GLIPR2: variants seen among roughly 807,000 people sequenced by gnomAD.
The protein encoded by GLIPR2 is GLI pathogenesis related 2, also known as Golgi-associated plant pathogenesis-related protein 1.
GLIPR2 carries 21 observed loss-of-function variants against 20.4 expected under a neutral mutation model. The observed-to-expected ratio is 1.03, with a 90% CI of 0.73 to 1.48. The LOEUF (loss-of-function observed/expected upper bound fraction) is 1.48. Ranked by LOEUF, GLIPR2 falls within the 40% of genes most tolerant of loss-of-function variation. The pLI is 0.00. For missense variants in GLIPR2, 205 were observed against 200.1 expected (o/e 1.02, Z -0.15); for synonymous variants, 91 against 80.5 (o/e 1.13, Z -0.70).
chr9:36,137,801 T>C (rs10814335), intron 1 of GLIPR2, among the ~76,000 whole-genome samples: 51,496 of 152,214 alleles, frequency 0.34, 8,738 homozygotes, highest in African/African-American at 0.38. Flanking sequence ...GATTGTCCAC[T>C]TCAGATGAGT....
chr9:36,144,003 T>C (rs1825208885), intron 1 of GLIPR2, among the ~76,000 whole-genome samples: 1 of 152,072 alleles, frequency 6.6e-6, no homozygotes, highest in Non-Finnish European at 1.5e-5. Context: ...TACCAATTCC[T>C]CATCAGACCC....
At chr9:36,147,571 GC>G (rs879455260) in intron 1 of GLIPR2, among the ~76,000 whole-genome samples, 3 of 152,220 alleles carry the variant, frequency 2.0e-5, no homozygotes, top group Non-Finnish European at 4.4e-5. Flanking sequence ...TGATCCACGG[GC>G]TTTAGATGTG....
At chr9:36,149,033 A>AG (rs1825467930) in intron 3 of GLIPR2, among the ~76,000 whole-genome samples, 1 of 152,116 alleles carries the variant, frequency 6.6e-6, no homozygotes, top group Non-Finnish European at 1.5e-5. Flanking sequence ...TTCCCGAGAA[A>AG]TTTTACTTTC....
intron 4 of GLIPR2, among the ~76,000 whole-genome samples, chr9:36,161,857 G>C (rs1826067625): frequency 6.6e-6 from 1 of 152,148 alleles, no homozygotes; most frequent in Non-Finnish European, 1.5e-5. Flanking sequence ...AGGTGGGTAA[G>C]GTCTGTGTGG....
rs545736472 is a variant in GLIPR2 at position 36,150,048 on chromosome 9, A to C, written c.227-824A>C. Reference sequence around the variant, plus strand: ...CGTCTCAGAAAACAAAACAAACCAAACAAACAAACAAAAAATGCCTGAGTC... The same window carrying C: ...CGTCTCAGAAAACAAAACAAACCAACCAAACAAACAAAAAATGCCTGAGTC... On this transcript the variant is annotated intron_variant, in intron 3 of 4. Coordinates refer to ENST00000377960, the MANE Select transcript of GLIPR2 (RefSeq NM_022343.4). 6.9e-4 allele frequency among the ~76,000 whole-genome samples: 105 copies of C among 152,258 alleles called. 1 individual carries two copies. The highest frequency in any genetic ancestry group is 1.1e-3 in the Non-Finnish European group (77 of 68,018).
intron 1 of GLIPR2, among the ~76,000 whole-genome samples, chr9:36,143,996 C>A (rs1825208731): frequency 6.6e-6 from 1 of 152,152 alleles, no homozygotes; most frequent in Admixed American, 6.5e-5. Flanking sequence ...ATCCTTGTAC[C>A]AATTCCTCAT....
intron 4 of GLIPR2, among the ~76,000 whole-genome samples, chr9:36,160,330 T>C (rs1001990672): frequency 2.0e-5 from 3 of 152,248 alleles, no homozygotes; most frequent in African/African-American, 4.8e-5. Flanking sequence ...GCCTTACAAA[T>C]ACTTTTTGAA....
At chr9:36,158,484 C>T (rs1825930730) in intron 4 of GLIPR2, among the ~76,000 whole-genome samples, 1 of 152,202 alleles carries the variant, frequency 6.6e-6, no homozygotes, top group Non-Finnish European at 1.5e-5. Context: ...TTCCTCCTCC[C>T]TCCCTCCGTT....
At chr9:36,150,983 T>C (rs1587143543) in intron 4 of GLIPR2, 34 bp downstream of exon 4, 1 of 1,456,162 alleles carries the variant, frequency 6.9e-7, no homozygotes, top group Non-Finnish European at 9.7e-7. Flanking sequence ...GGCCTGGCCC[T>C]GGGCAGCAAT....
At chr9:36,143,334 T>C (rs565544271) in intron 1 of GLIPR2, among the ~76,000 whole-genome samples, 170 of 152,284 alleles carry the variant, frequency 1.1e-3, no homozygotes, top group African/African-American at 3.7e-3. Flanking sequence ...CCTCCATTCA[T>C]GCTTCCTGAG....
chr9:36,154,063 T>C (rs1825715758), intron 4 of GLIPR2, among the ~76,000 whole-genome samples: 1 of 127,014 alleles, frequency 7.9e-6, no homozygotes, highest in Non-Finnish European at 1.7e-5. Context: ...TATTATATAT[T>C]ATATATTATA....
intron 2 of GLIPR2, 33 bp from the exon 3 acceptor site, chr9:36,148,514 A>G: frequency 6.6e-7 from 1 of 1,526,216 alleles, no homozygotes; most frequent in South Asian, 1.1e-5. Flanking sequence ...CCTGAACTGC[A>G]CCTGCTCTGA....
At chr9:36,149,659 AG>A (rs1318128824) in intron 3 of GLIPR2, among the ~76,000 whole-genome samples, 1 of 152,034 alleles carries the variant, frequency 6.6e-6, no homozygotes, top group Non-Finnish European at 1.5e-5. Context: ...CTCTACAGAG[AG>A]GGGGTTGGGT....
intron 4 of GLIPR2, among the ~76,000 whole-genome samples, chr9:36,156,708 T>A (rs1825849954): frequency 6.6e-6 from 1 of 152,182 alleles, no homozygotes; most frequent in Non-Finnish European, 1.5e-5. Flanking sequence ...AGATCAGCAG[T>A]GGCGTTAGAT....
intron 4 of GLIPR2, among the ~76,000 whole-genome samples, chr9:36,157,624 G>A (rs893240309): frequency 1.3e-5 from 2 of 151,794 alleles, no homozygotes; most frequent in Non-Finnish European, 2.9e-5. Flanking sequence ...TAGGATTACA[G>A]GCATGAGCCA....
In GLIPR2 at chr9:36,148,613, T is replaced by C; in HGVS notation, c.189T>C (p.Cys63=). The C allele has an allele frequency of 1.2e-6, 2 of 1,613,948 alleles. No individual in the cohort carries two copies. The highest frequency in any genetic ancestry group is 1.1e-5 in the South Asian group (1 of 91,050). Residue 63 remains cysteine, a synonymous_variant, in exon 3 of 5, where the codon TGT becomes TGC. Transcript: ENST00000377960. The part of the protein sequence containing the change: ...KHSPESSRGQ[C]GENLAWASYD... ...GCCCGGAGTCCAGCCGTGGCCAGTG[T>C]GGGGAGAACCTTGCATGGGCATCCT...
rs567476723 is a variant in GLIPR2, at chr9:36,157,683, A to AACACAC, written c.305-4653_305-4648dup. Among the ~76,000 whole-genome samples the AACACAC allele has an allele frequency of 1.0e-3, 146 of 146,336 alleles. 1 individual carries two copies. Among genetic ancestry groups the AACACAC allele is most frequent in the African/African-American group, 3.4e-3 (137 of 39,778 alleles). Reference sequence around the variant, plus strand: ...TTTTAAAGCTGAATAATATCTGTTAAACACACACACACACACACACACACA... The same window carrying AACACAC: ...TTTTAAAGCTGAATAATATCTGTTAAACACACACACACACACACACACACACACACA... On this transcript the variant is annotated intron_variant, in intron 4 of 4. Transcript: ENST00000377960.
chr9:36,161,472 A>G (rs1185443173), intron 4 of GLIPR2, among the ~76,000 whole-genome samples: 1 of 150,330 alleles, frequency 6.7e-6, no homozygotes, highest in Non-Finnish European at 1.5e-5. Flanking sequence ...GGAGCCAGGG[A>G]AAGATGAAAT....
chr9:36,151,267 T>G (rs936584506), intron 4 of GLIPR2, among the ~76,000 whole-genome samples: 4 of 152,130 alleles, frequency 2.6e-5, no homozygotes, highest in African/African-American at 9.7e-5. Context: ...GGAGCTTCAT[T>G]CCTGAACTGG....
Sources: gnomAD v4.1 joint callset for allele counts (sites outside exome capture counted in the v4.1 genomes callset) on GRCh38, gnomAD v4.1.1 for gene constraint, MANE v1.5 for transcripts, NCBI Gene and HGNC (gene_info 2026-07-23, HGNC 2026-07-21) for gene names.